The following POGZ variants were observed in gnomAD, a reference collection of about 807,000 sequenced individuals.
The protein encoded by POGZ is pogo transposable element derived with ZNF domain.
A neutral mutation model predicts 134.6 loss-of-function variants in POGZ; 17 were observed. The observed-to-expected ratio is 0.13, with a 90% CI of 0.09 to 0.19. The LOEUF (loss-of-function observed/expected upper bound fraction) is 0.19. POGZ is among the 10% of genes least tolerant of loss of function. The pLI, the probability that POGZ is intolerant of heterozygous loss-of-function variation, is 1.00. For synonymous variants in POGZ, 693 were observed against 657.1 expected (o/e 1.05, Z -0.84); for missense variants, 1,306 against 1,769.7 (o/e 0.74, Z 4.70).
chr1:151,403,574 T>C lies in POGZ; in HGVS notation c.*1228A>G, dbSNP rs1020487082. The C allele has an allele frequency of 1.2e-5, 12 of 985,684 alleles. No individual in the cohort carries two copies. The highest frequency in any genetic ancestry group is 3.5e-5 in the African/African-American group (2 of 57,234). 61.1% of individuals were successfully genotyped at this position (985,684 alleles called of 1,614,324 possible). A position where few individuals can be genotyped will look rare whatever the true frequency, so the allele number is the denominator to read the frequency against. On this transcript the variant is annotated 3_prime_UTR_variant, in exon 19 of 19. Coordinates refer to ENST00000271715, the MANE Select transcript of POGZ (RefSeq NM_015100.4). ...TACATACAATTAAAAAAATCCCTCA[T>C]GCAAATTGTAGAAAAAATTTTCTTT... is the stretch of plus-strand genomic sequence containing the variant.
In POGZ at chr1:151,442,205, G is replaced by A. The variant is rs1346276308; in HGVS notation, c.-1C>T. On this transcript the variant is annotated splice_region_variant and 5_prime_UTR_variant, in exon 2 of 19. Transcript: ENST00000271715. ...CCATGAACAGGTCGGTGTCCGCCAT[G>A]CTATAAGAAAAACATTCAAATAAGA... 1.9e-6 allele frequency: 3 copies of A among 1,610,262 alleles called. No homozygotes were observed. Among genetic ancestry groups the A allele is most frequent in the East Asian group, 4.5e-5 (2 of 44,838 alleles).
chr1:151,405,624 C>A lies in POGZ; in HGVS notation c.3411G>T (p.Leu1137=). The A allele has an allele frequency of 6.2e-7, 1 of 1,614,212 alleles. No individual in the cohort carries two copies. Among genetic ancestry groups the A allele is most frequent in the Non-Finnish European group, 8.5e-7 (1 of 1,180,032 alleles). ...CATTCTCCTTTCGATCATCACTGCT[C>A]AGCACCTCTGTATCCAGGAACAAAG... The part of the protein sequence containing the change: ...EISLFLDTEV[L]SSDDRKENAL... Residue 1137 remains leucine (L), a synonymous_variant, in exon 19 of 19, where the codon CTG becomes CTT. Transcript: ENST00000271715. The surrounding 1 kb of genome is among the most constrained non-coding windows in gnomAD (Gnocchi z 4.9).
chr1:151,404,725 C>A lies in POGZ; in HGVS notation c.*77G>T, dbSNP rs888625395. On this transcript the variant is annotated 3_prime_UTR_variant, in exon 19 of 19. Transcript: ENST00000271715. ...GAAACCAAATACCCCACCTGGTATG[C>A]CCCCTTTTCCCTAAGCCCCTTTACC... 6.7e-7 allele frequency: 1 copy of A among 1,488,658 alleles called. No individual in the cohort carries two copies. The highest frequency in any genetic ancestry group is 8.9e-7 in the Non-Finnish European group (1 of 1,120,582). 92.2% of individuals were successfully genotyped at this position (1,488,658 alleles called of 1,614,324 possible).
rs1557902057 is a variant in POGZ at position 151,424,162 on chromosome 1, G to A, written c.1310C>T (p.Ser437Phe). ...TGACAGAGCAGGAATAGGTGTAGAA[G>A]AGGGTGTGGAAGCAACAGGAGCTGT... is the stretch of plus-strand genomic sequence containing the variant. ...EKTAPVASTP[S>F]STPIPALSPP... Residue 437 changes from serine (S) to phenylalanine (F), a missense_variant, in exon 9 of 19, where the codon TCT becomes TTT. Ser to Phe is a radical substitution (Grantham distance 155, BLOSUM62 -2). Coordinates refer to ENST00000271715, the MANE Select transcript of POGZ (RefSeq NM_015100.4). 2 of 1,614,016 alleles carry A rather than the reference G, an allele frequency of 1.2e-6. No homozygotes were observed. The highest frequency in any genetic ancestry group is 1.7e-5 in the Admixed American group (1 of 60,002).
At chr1:151,440,687 A>T (rs1476742749) in intron 3 of POGZ, among the ~76,000 whole-genome samples, 1 of 152,230 alleles carries the variant, frequency 6.6e-6, no homozygotes, top group Non-Finnish European at 1.5e-5. Context: ...CCAAGAAATT[A>T]TCAATAGCAA....
At chr1:151,437,089 G>A (rs1420236007) in intron 3 of POGZ, among the ~76,000 whole-genome samples, 1 of 152,028 alleles carries the variant, frequency 6.6e-6, no homozygotes, top group Non-Finnish European at 1.5e-5. Flanking sequence ...AGCTACTTGG[G>A]AGACTGAGGT....
At position 151,424,939 on chromosome 1, in the gene POGZ, A is replaced by G. The variant is rs750755154; in HGVS notation, c.1185+16T>C. On this transcript the variant is annotated intron_variant, in intron 8 of 18. Transcript: ENST00000271715. ...GCAGAAGCCACTTAAGCTGGATCACAGGTGATATCACTTACACACATGTGA... is the reference window on the plus strand; with the variant it reads ...GCAGAAGCCACTTAAGCTGGATCACGGGTGATATCACTTACACACATGTGA... 2 of 1,342,176 alleles carry G rather than the reference A, an allele frequency of 1.5e-6. No individual in the cohort carries two copies. Among genetic ancestry groups the G allele is most frequent in the Non-Finnish European group, 2.1e-6 (2 of 941,580 alleles). 83.1% of individuals were successfully genotyped at this position (1,342,176 alleles called of 1,614,324 possible).
chr1:151,459,244 A>C lies in POGZ; in HGVS notation c.-94T>G, dbSNP rs1473103965. The C allele has an allele frequency of 9.0e-6, 1 of 111,382 alleles. No homozygotes were observed. Among genetic ancestry groups the C allele is most frequent in the African/African-American group, 3.3e-5 (1 of 30,546 alleles). 6.9% of individuals were successfully genotyped at this position (111,382 alleles called of 1,614,324 possible). ...CCCGGCGCCAGAAGGGGGTGGGAGCAGGGGGAGGGGACGGGGGCTTGGGGG... is the reference window on the plus strand; with the variant it reads ...CCCGGCGCCAGAAGGGGGTGGGAGCCGGGGGAGGGGACGGGGGCTTGGGGG... On this transcript the variant is annotated 5_prime_UTR_variant, in exon 1 of 19. Coordinates refer to ENST00000271715, the MANE Select transcript of POGZ (RefSeq NM_015100.4).
Position 151,424,121 on chromosome 1 carries a change from G to A in POGZ, c.1351C>T (p.Pro451Ser). Reference sequence around the variant, plus strand: ...TCGCCCACGTTCTCATTTGGTTCTGGTACTTTGGTAGGCGGTGACAGAGCA... The same window carrying A: ...TCGCCCACGTTCTCATTTGGTTCTGATACTTTGGTAGGCGGTGACAGAGCA... Reference protein sequence around the residue: ...IPALSPPTKVPEPNENVGDAV... With the variant: ...IPALSPPTKVSEPNENVGDAV... The change falls in exon 9 of 19, where the codon CCA (proline) becomes TCA (serine). Residue 451 changes from proline (P) to serine (S), a missense_variant. Pro to Ser is a moderately conservative substitution (Grantham distance 74, BLOSUM62 -1). Around this residue, in one of 10 missense-constraint regions of POGZ, gnomAD observed 541 missense variants for 680.5 expected, o/e 0.80. Coordinates refer to ENST00000271715, the MANE Select transcript of POGZ (RefSeq NM_015100.4). The A allele has an allele frequency of 1.9e-6, 3 of 1,614,152 alleles. No individual in the cohort carries two copies. In the South Asian group the frequency reaches 3.3e-5, roughly 18 times the overall value.
chr1:151,424,276 G>C lies in POGZ; in HGVS notation c.1196C>G (p.Pro399Arg). 1 of 1,587,332 alleles carries C rather than the reference G, an allele frequency of 6.3e-7. No individual in the cohort carries two copies. The highest frequency in any genetic ancestry group is 8.6e-7 in the Non-Finnish European group (1 of 1,164,386). ...TTTCTTCTGGTATTCAACCATTTCTGGGCAACAGTACTATAAAGAAAGACA... is the reference window on the plus strand; with the variant it reads ...TTTCTTCTGGTATTCAACCATTTCTCGGCAACAGTACTATAAAGAAAGACA... ...ALRGHMCYCC[P>R]EMVEYQKKGK... is the part of the protein sequence containing the mutation. The change falls in exon 9 of 19, where the codon CCA (proline) becomes CGA (arginine). Residue 399 changes from proline to arginine, a missense_variant. Pro to Arg is a moderately radical substitution (Grantham distance 103). Transcript: ENST00000271715.
chr1:151,431,377 C>A (rs1658668454), intron 3 of POGZ, among the ~76,000 whole-genome samples: 2 of 152,192 alleles, frequency 1.3e-5, no homozygotes, highest in African/African-American at 4.8e-5. Flanking sequence ...CATATTTTAA[C>A]TAGGTAAAAC....
chr1:151,440,923 C>T lies in POGZ; in HGVS notation c.283+5G>A. 6.2e-7 allele frequency: 1 copy of T among 1,612,106 alleles called. No individual in the cohort carries two copies. The highest frequency in any genetic ancestry group is 8.5e-7 in the Non-Finnish European group (1 of 1,178,436). The stretch of plus-strand genomic sequence containing the variant: ...GGATTATTATTTCCCAATAATCCCA[C>T]TTACCATTGTTGTTGGCAATTAGTG... On this transcript the variant is annotated splice_donor_5th_base_variant and intron_variant, in intron 3 of 18. Transcript: ENST00000271715.
intron 1 of POGZ, among the ~76,000 whole-genome samples, chr1:151,457,033 TCTTA>T (rs1402826023): frequency 1.3e-5 from 2 of 152,182 alleles, no homozygotes; most frequent in Non-Finnish European, 2.9e-5. Flanking sequence ...ATAAATAGCA[TCTTA>T]CTATTATTTT....
intron 16 of POGZ, 51 bp downstream of exon 16, chr1:151,407,184 T>G: frequency 7.1e-7 from 1 of 1,403,136 alleles, no homozygotes. Flanking sequence ...AACCTGAAAA[T>G]TAATGTAAAA....
In POGZ at chr1:151,404,531, T is replaced by TA. The variant is rs1653226060; in HGVS notation, c.*270_*271insT. On this transcript the variant is annotated 3_prime_UTR_variant, in exon 19 of 19. Transcript: ENST00000271715. ...AAATACCAAACACAGTGATTTAAAT[T>TA]TAAAAAAAAAAAAAGTCACAAAAAC... 41 of 1,121,042 alleles carry TA rather than the reference T, an allele frequency of 3.7e-5. No individual in the cohort carries two copies. The highest frequency in any genetic ancestry group is 4.0e-5 in the Non-Finnish European group (37 of 916,350). The allele number at this position is 1,121,042 out of a possible 1,614,324, so 69.4% of individuals were successfully genotyped here. A position where few individuals can be genotyped will look rare whatever the true frequency, so the allele number is the denominator to read the frequency against.
At chr1:151,414,861 G>A (rs1655346715) in intron 10 of POGZ, among the ~76,000 whole-genome samples, 1 of 152,178 alleles carries the variant, frequency 6.6e-6, no homozygotes, top group Non-Finnish European at 1.5e-5. Flanking sequence ...GGGGATTTAA[G>A]AGATCTCTGG....
chr1:151,432,648 A>C (rs1201863063), intron 3 of POGZ, among the ~76,000 whole-genome samples: 2 of 152,206 alleles, frequency 1.3e-5, no homozygotes, highest in Non-Finnish European at 2.9e-5. Context: ...AATAATTATC[A>C]ATGTATGGCA....
intron 1 of POGZ, among the ~76,000 whole-genome samples, chr1:151,445,991 A>G (rs1661198715): frequency 2.0e-5 from 3 of 151,876 alleles, no homozygotes; most frequent in Admixed American, 6.6e-5. Context: ...GATTCTCAAG[A>G]AACACCACCA....
intron 1 of POGZ, among the ~76,000 whole-genome samples, chr1:151,458,755 T>A (rs1334332227): frequency 7.0e-6 from 1 of 143,404 alleles, no homozygotes; most frequent in East Asian, 2.1e-4. Context: ...CCGAGACGCC[T>A]CGCGCCGAGC....
Sources: gnomAD v4.1 joint callset for allele counts (sites outside exome capture counted in the v4.1 genomes callset) on GRCh38, gnomAD v4.1.1 for gene constraint, gnomAD v4.1.1 regional missense constraint, Gnocchi (gnomAD v3.1) non-coding constraint, MANE v1.5 for transcripts, NCBI Gene and HGNC (gene_info 2026-07-23, HGNC 2026-07-21) for gene names.